ZNF429: variants seen among roughly 807,000 people sequenced by gnomAD.
The protein encoded by ZNF429 is zinc finger protein 429.
ZNF429 carries 53 observed loss-of-function variants against 56.8 expected under a neutral mutation model. That is an observed-to-expected ratio of 0.93 (90% CI 0.75 to 1.17). The LOEUF is 1.17. Among genes scored for constraint, ZNF429 ranks in the 50% most tolerant of loss-of-function variants. ZNF429 has a pLI of 0.00. For missense variants in ZNF429, 849 were observed against 788.4 expected (o/e 1.08, Z -0.92); for synonymous variants, 278 against 264.7 (o/e 1.05, Z -0.49).
rs76582406 is a variant in ZNF429 at position 21,519,189 on chromosome 19, G to T, written c.4-10469G>T. On this transcript the variant is annotated intron_variant, in intron 1 of 3. Coordinates refer to ENST00000358491, the MANE Select transcript of ZNF429 (RefSeq NM_001001415.4). Reference sequence around the variant, plus strand: ...TGTATTAGGCTGACTTATCCTAGAGGCAGTAACAGGCACAGCCCACATCCA... The same window carrying T: ...TGTATTAGGCTGACTTATCCTAGAGTCAGTAACAGGCACAGCCCACATCCA... 4.8e-3 allele frequency among the ~76,000 whole-genome samples: 733 copies of T among 152,256 alleles called. 7 individuals are homozygous for T. The highest frequency in any genetic ancestry group is 0.017 in the African/African-American group (692 of 41,548).
Position 21,536,673 on chromosome 19 carries a change from G to T in ZNF429, c.620G>T (p.Gly207Val). The T allele has an allele frequency of 6.2e-7, 1 of 1,613,940 alleles. No individual in the cohort carries two copies. Among genetic ancestry groups the T allele is most frequent in the Middle Eastern group, 1.7e-4 (1 of 6,060 alleles). ...RENTYRCKEF[G>V]NAFNQSSALT... ...AATACCTACAGATGTAAAGAATTTGGCAATGCCTTTAATCAGTCCTCAGCC... is the reference window on the plus strand; with the variant it reads ...AATACCTACAGATGTAAAGAATTTGTCAATGCCTTTAATCAGTCCTCAGCC... The change falls in exon 4 of 4, where the codon GGC becomes GTC. Residue 207 changes from glycine to valine, a missense_variant. Coordinates refer to ENST00000358491, the MANE Select transcript of ZNF429 (RefSeq NM_001001415.4).
intron 1 of ZNF429, among the ~76,000 whole-genome samples, chr19:21,528,627 C>T (rs1421761554): frequency 6.6e-6 from 1 of 152,012 alleles, no homozygotes; most frequent in African/African-American, 2.4e-5. Flanking sequence ...ATCGCTTGAA[C>T]CCAGGAGGTG....
At chr19:21,535,723 C>T in intron 3 of ZNF429, among the ~76,000 whole-genome samples, 1 of 151,732 alleles carries the variant, frequency 6.6e-6, no homozygotes, top group Non-Finnish European at 1.5e-5. Flanking sequence ...ACCATGTTGG[C>T]CAGGCTGGTT....
At chr19:21,514,197 CTTTTA>C (rs1462034784) in intron 1 of ZNF429, among the ~76,000 whole-genome samples, 1 of 152,100 alleles carries the variant, frequency 6.6e-6, no homozygotes, top group Non-Finnish European at 1.5e-5. Flanking sequence ...TTCCTTTTAA[CTTTTA>C]TTTTTGGTCT....
At chr19:21,525,837 TA>T (rs1399084437) in intron 1 of ZNF429, among the ~76,000 whole-genome samples, 1 of 17,786 alleles carries the variant, frequency 5.6e-5, no homozygotes, top group Non-Finnish European at 2.1e-4. Context: ...CTATACATTT[TA>T]TTTTTTAAAA....
intron 1 of ZNF429, among the ~76,000 whole-genome samples, chr19:21,507,844 C>G (rs113490782): frequency 6.6e-6 from 1 of 152,182 alleles, no homozygotes; most frequent in Non-Finnish European, 1.5e-5. Flanking sequence ...ACTGTGTTCA[C>G]CCAGCCCGAC....
chr19:21,536,133 T>C, intron 3 of ZNF429, 147 bp from the exon 4 acceptor site: 1 of 173,680 alleles, frequency 5.8e-6, no homozygotes, highest in Non-Finnish European at 8.5e-6. Context: ...CTTTGTTATA[T>C]TTATATGTTT....
At chr19:21,520,793 G>A (rs1306731532) in intron 1 of ZNF429, among the ~76,000 whole-genome samples, 2 of 152,190 alleles carry the variant, frequency 1.3e-5, no homozygotes, top group Admixed American at 6.5e-5. Flanking sequence ...AAACTGAAAA[G>A]TGGAATCTGT....
chr19:21,529,710 A>G lies in ZNF429; in HGVS notation c.56A>G (p.Gln19Arg). The G allele has an allele frequency of 1.9e-6, 3 of 1,602,284 alleles. No individual in the cohort carries two copies. The highest frequency in any genetic ancestry group is 2.6e-6 in the Non-Finnish European group (3 of 1,173,702). The change falls in exon 2 of 4, where the codon CAG becomes CGG. Residue 19 changes from glutamine to arginine, a missense_variant. Physicochemically the swap from Gln to Arg is conservative, Grantham distance 43. Transcript: ENST00000358491. The part of the protein sequence containing the change: ...VAIEFSLEEW[Q>R]CLDTAQQNLY... ...ATAGAATTCTCTCTGGAGGAGTGGC[A>G]GTGCCTGGACACAGCACAACAGAAC...
rs182051385 is a variant in ZNF429 at position 21,530,657 on chromosome 19, C to T, written c.199C>T (p.Arg67Ter). The change falls in exon 3 of 4, where the codon CGA becomes TGA. Residue 67 changes from arginine to a stop codon, truncating the protein, a stop_gained. Transcript: ENST00000358491. LOFTEE classifies it high-confidence loss of function. ...AGAAAAAGAACCCTGCAAGATGAAG[C>T]GACATGAAATGGTGGATGAACCCCC... Reference protein sequence around the residue: ...EKEKEPCKMKRHEMVDEPPVV... With the variant: ...EKEKEPCKMK 1,659 of 1,610,302 alleles carry T rather than the reference C, an allele frequency of 1.0e-3. 3 individuals carry two copies. The highest frequency in any genetic ancestry group is 1.3e-3 in the Non-Finnish European group (1,520 of 1,177,800).
At chr19:21,511,149 A>G (rs1402273788) in intron 1 of ZNF429, among the ~76,000 whole-genome samples, 1 of 135,214 alleles carries the variant, frequency 7.4e-6, no homozygotes. Flanking sequence ...ACTTCCCAGA[A>G]GGGGCGGCCA....
In ZNF429 at chr19:21,537,219, A is replaced by G; in HGVS notation, c.1166A>G (p.Lys389Arg). Residue 389 changes from lysine to arginine, a missense_variant, in exon 4 of 4, where the codon AAA (lysine) becomes AGA (arginine). By Grantham distance (26) the Lys-to-Arg change is conservative (BLOSUM62 2). Transcript: ENST00000358491. ...NQSSRLTRHK[K>R]IHTGEEPYKF... Reference sequence around the variant, plus strand: ...TCTTCAAGACTTACTCGACATAAAAAAATTCATACTGGAGAGGAACCCTAC... The same window carrying G: ...TCTTCAAGACTTACTCGACATAAAAGAATTCATACTGGAGAGGAACCCTAC... 6.2e-7 allele frequency: 1 copy of G among 1,613,180 alleles called. No homozygotes were observed. The highest frequency in any genetic ancestry group is 8.5e-7 in the Non-Finnish European group (1 of 1,179,758).
At chr19:21,529,086 C>T (rs1270499847) in intron 1 of ZNF429, 1 of 151,992 alleles carries the variant, frequency 6.6e-6, no homozygotes, top group African/African-American at 2.4e-5. Context: ...GTTTACAGGA[C>T]AAAAAAACTG....
intron 1 of ZNF429, among the ~76,000 whole-genome samples, chr19:21,523,426 G>A (rs1464901186): frequency 6.6e-6 from 1 of 152,214 alleles, no homozygotes; most frequent in Non-Finnish European, 1.5e-5. Context: ...ACATTAAAAT[G>A]AGAACACAAT....
chr19:21,509,019 A>AT (rs573196717), intron 1 of ZNF429, among the ~76,000 whole-genome samples: 2,155 of 143,764 alleles, frequency 0.015, 18 homozygotes, highest in African/African-American at 0.031. Context: ...TGTTTACTAC[A>AT]TTTTTTTTTT....
rs149675946 is a variant in ZNF429 at position 21,519,726 on chromosome 19, A to G, written c.4-9932A>G. ...TCAATAAAATCCTCCTTTTCTACCT[A>G]TCGGTCTTTCCAGTCTCCTAATTCC... On this transcript the variant is annotated intron_variant, in intron 1 of 3. Transcript: ENST00000358491. Among the ~76,000 whole-genome samples, 306 of 152,158 alleles carry G rather than the reference A, an allele frequency of 2.0e-3. 1 individual carries two copies. Among genetic ancestry groups the G allele is most frequent in the African/African-American group, 6.8e-3 (282 of 41,514 alleles).
chr19:21,527,296 G>A (rs2033206866), intron 1 of ZNF429, among the ~76,000 whole-genome samples: 1 of 152,100 alleles, frequency 6.6e-6, no homozygotes, highest in African/African-American at 2.4e-5. Flanking sequence ...CAGCTCGAGG[G>A]GCAATGCTTT....
At chr19:21,512,662 CAA>C (rs35584125) in intron 1 of ZNF429, among the ~76,000 whole-genome samples, 37,359 of 79,972 alleles carry the variant, frequency 0.47, 5,671 homozygotes, top group East Asian at 0.57. Flanking sequence ...GACTCCATCT[CAA>C]AAAAAAAAAA....
At chr19:21,506,770 T>TTTG (rs1412098774) in intron 1 of ZNF429, among the ~76,000 whole-genome samples, 1 of 144,440 alleles carries the variant, frequency 6.9e-6, no homozygotes, top group Non-Finnish European at 1.5e-5. Context: ...GTTTTTTGTT[T>TTTG]TTTTTTTTTT....
Sources: allele counts gnomAD v4.1 joint callset (sites outside exome capture counted in the v4.1 genomes callset), GRCh38; gene constraint gnomAD v4.1.1; transcripts MANE v1.5; gene names NCBI Gene and HGNC (gene_info 2026-07-23, HGNC 2026-07-21).